Variants in STIL observed in about 807,000 individuals in gnomAD.
STIL encodes the protein SCL-interrupting locus protein.
STIL carries 55 observed loss-of-function variants against 110.1 expected under a neutral mutation model. The ratio of observed to expected loss-of-function variants is 0.50; its 90% CI spans 0.40 to 0.63. The LOEUF is 0.63. Among genes scored for constraint, STIL ranks in the 20% least tolerant of loss-of-function variants. STIL has a pLI of 0.00. For missense variants in STIL, 1,358 were observed against 1,530.0 expected (o/e 0.89, Z 1.87); for synonymous variants, 481 against 530.0 (o/e 0.91, Z 1.27).
At chr1:47,286,378 AAAT>A (rs914353744) in intron 10 of STIL, among the ~76,000 whole-genome samples, 109 of 152,150 alleles carry the variant, frequency 7.2e-4, no homozygotes, top group African/African-American at 2.5e-3. Flanking sequence ...GAACTTTAAA[AAAT>A]AACACTGAAG....
chr1:47,269,001 G>A (rs1644740523), intron 14 of STIL, among the ~76,000 whole-genome samples: 2 of 151,322 alleles, frequency 1.3e-5, no homozygotes, highest in South Asian at 4.2e-4. Context: ...GGAGGCAGGA[G>A]AATGGCGTGA....
rs539980988 is a variant in STIL at position 47,251,708 on chromosome 1, T to C, written c.3295A>G (p.Ile1099Val). 9.3e-6 allele frequency: 15 copies of C among 1,614,210 alleles called. No homozygotes were observed. The South Asian group carries it at 1.4e-4, about 15-fold the overall frequency. ...CCCACTGTGCTTCTGTCTGTATTAATATGGAGAAGGCTGAATGGGTCACAA... is the reference window on the plus strand; with the variant it reads ...CCCACTGTGCTTCTGTCTGTATTAACATGGAGAAGGCTGAATGGGTCACAA... ...NNCDPFSLLH[I>V]NTDRSTVGLS... Residue 1099 changes from isoleucine to valine, a missense_variant, in exon 17 of 17, where the codon ATT (isoleucine) becomes GTT (valine). Coordinates refer to ENST00000371877, the MANE Select transcript of STIL (RefSeq NM_001048166.1).
intron 14 of STIL, among the ~76,000 whole-genome samples, chr1:47,265,939 T>C (rs1644642145): frequency 6.6e-6 from 1 of 152,110 alleles, no homozygotes; most frequent in Admixed American, 6.6e-5. Context: ...GGCTAATTTC[T>C]GTAATTTTGG....
chr1:47,255,850 C>T (rs968602595), intron 16 of STIL, among the ~76,000 whole-genome samples: 3 of 152,176 alleles, frequency 2.0e-5, no homozygotes, highest in Non-Finnish European at 4.4e-5. Context: ...TTAATCTCTG[C>T]GGCATTCTAT....
intron 8 of STIL, among the ~76,000 whole-genome samples, chr1:47,291,326 A>G (rs982141226): frequency 1.3e-4 from 20 of 152,020 alleles, no homozygotes; most frequent in Non-Finnish European, 2.8e-4. Context: ...GAGCCATTGC[A>G]CTCCAGCCTG....
At chr1:47,302,120 T>G in intron 4 of STIL, 114 bp downstream of exon 4, 1 of 766,906 alleles carries the variant, frequency 1.3e-6, no homozygotes, top group Non-Finnish European at 2.3e-6. Flanking sequence ...GGAGTCTTAC[T>G]ATGTTATGCA....
At chr1:47,314,373 C>T (rs910816200), upstream of STIL, among the ~76,000 whole-genome samples, 11 of 152,206 alleles carry the variant, frequency 7.2e-5, no homozygotes, top group African/African-American at 2.7e-4. Flanking sequence ...ATCAAGGATC[C>T]GAGGATTTAA....
intron 16 of STIL, among the ~76,000 whole-genome samples, chr1:47,254,367 A>G (rs948430656): frequency 6.6e-6 from 1 of 152,074 alleles, no homozygotes; most frequent in Admixed American, 6.6e-5. Context: ...ATTTATCCAG[A>G]CATTATTCTT....
intron 2 of STIL, 81 bp downstream of exon 2, chr1:47,310,195 T>C: frequency 1.5e-6 from 2 of 1,377,792 alleles, no homozygotes; most frequent in East Asian, 4.7e-5. Context: ...CTAAAGATTA[T>C]ATTCTTTTTT....
chr1:47,253,444 G>T (rs1644243197), intron 16 of STIL, among the ~76,000 whole-genome samples: 1 of 152,082 alleles, frequency 6.6e-6, no homozygotes, highest in African/African-American at 2.4e-5. Flanking sequence ...CTCGATGCCT[G>T]GACACACATA....
In STIL at chr1:47,269,761, T is replaced by A. The variant is rs763670045; in HGVS notation, c.2489A>T (p.Asp830Val). 2 of 1,614,090 alleles carry A rather than the reference T, an allele frequency of 1.2e-6. No individual in the cohort carries two copies. The highest frequency in any genetic ancestry group is 1.1e-5 in the South Asian group (1 of 91,088). The change falls in exon 14 of 17, where the codon GAT becomes GTT. Residue 830 changes from aspartate (D) to valine (V), a missense_variant. Coordinates refer to ENST00000371877, the MANE Select transcript of STIL (RefSeq NM_001048166.1). ...ISSEDMNFSVDINNEVTSLPG... is the reference protein window; with the variant it reads ...ISSEDMNFSVVINNEVTSLPG... ...AAGACTTGTGACTTCATTATTAATA[T>A]CGACAGAAAAATTCATGTCCTCACT...
At chr1:47,267,919 G>A (rs74227933) in intron 14 of STIL, among the ~76,000 whole-genome samples, 1 of 151,824 alleles carries the variant, frequency 6.6e-6, no homozygotes, top group Non-Finnish European at 1.5e-5. Flanking sequence ...TTATTTAATG[G>A]AAAATTTCAT....
intron 6 of STIL, among the ~76,000 whole-genome samples, chr1:47,298,918 G>A (rs1026979347): frequency 6.6e-6 from 1 of 151,442 alleles, no homozygotes; most frequent in African/African-American, 2.4e-5. Context: ...TTTTTTGTTT[G>A]TTTGTTATTT....
chr1:47,262,099 T>A (rs1039016964), intron 15 of STIL, among the ~76,000 whole-genome samples: 2 of 152,202 alleles, frequency 1.3e-5, no homozygotes, highest in African/African-American at 4.8e-5. Context: ...AAGAATGACC[T>A]GTGATACTAT....
chr1:47,269,382 TGAACA>T (rs1644752846), intron 14 of STIL, among the ~76,000 whole-genome samples: 2 of 152,018 alleles, frequency 1.3e-5, no homozygotes, highest in South Asian at 2.1e-4. Context: ...AAAAAAAACC[TGAACA>T]GAACAGCAAC....
In STIL at chr1:47,252,026, A is replaced by G. The variant is rs1308795471; in HGVS notation, c.3081-104T>C. On this transcript the variant is annotated intron_variant, in intron 16 of 16. Coordinates refer to ENST00000371877, the MANE Select transcript of STIL (RefSeq NM_001048166.1). Reference sequence around the variant, plus strand: ...AAGCAACAAAAGATCTTCAGCTTTAAGTTCATGGTCCTTTTATCTAACTAC... The same window carrying G: ...AAGCAACAAAAGATCTTCAGCTTTAGGTTCATGGTCCTTTTATCTAACTAC... 6.6e-6 allele frequency: 8 copies of G among 1,205,054 alleles called. No individual in the cohort carries two copies. The Admixed American group carries it at 7.8e-5, about 12-fold the overall frequency. 74.6% of individuals were successfully genotyped at this position (1,205,054 alleles called of 1,614,324 possible). A position where few individuals can be genotyped will look rare whatever the true frequency, so the allele number is the denominator to read the frequency against.
intron 7 of STIL, among the ~76,000 whole-genome samples, chr1:47,293,970 G>A (rs1397772443): frequency 1.3e-5 from 2 of 152,188 alleles, no homozygotes; most frequent in African/African-American, 4.8e-5. Flanking sequence ...ATTAAATGCT[G>A]TAATATATAC....
chr1:47,274,903 G>A (rs1453658302), intron 12 of STIL, among the ~76,000 whole-genome samples: 1 of 152,036 alleles, frequency 6.6e-6, no homozygotes, highest in Admixed American at 6.6e-5. Flanking sequence ...TGAAATCCCA[G>A]CACTTTGGGA....
chr1:47,282,582 A>T (rs1254937402), intron 10 of STIL, 123 bp from the exon 11 acceptor site: 3 of 669,010 alleles, frequency 4.5e-6, no homozygotes, highest in Non-Finnish European at 8.0e-6. Context: ...TTAGTATCTG[A>T]CAACCACAAA....
Sources: allele counts gnomAD v4.1 joint callset (sites outside exome capture counted in the v4.1 genomes callset), GRCh38; gene constraint gnomAD v4.1.1; transcripts MANE v1.5; gene names NCBI Gene and HGNC (gene_info 2026-07-23, HGNC 2026-07-21).